Variants in KNL1 observed in about 807,000 individuals in gnomAD.
KNL1 encodes kinetochore scaffold 1.
A neutral mutation model predicts 201.3 loss-of-function variants in KNL1; 66 were observed. The ratio of observed to expected loss-of-function variants is 0.33; its 90% CI spans 0.27 to 0.40. The LOEUF is 0.40. Ranked by LOEUF, KNL1 falls within the 10% of genes least tolerant of loss-of-function variation. The pLI is 1.00. For synonymous variants in KNL1, 895 were observed against 899.2 expected, an observed-to-expected ratio of 1.00 and a Z score of 0.08; for missense variants, 2,815 against 2,690.5, an observed-to-expected ratio of 1.05 and a Z score of -1.02.
intron 1 of KNL1, among the ~76,000 whole-genome samples, chr15:40,597,937 C>T (rs1891666983): frequency 1.3e-5 from 2 of 152,104 alleles, no homozygotes; most frequent in Middle Eastern, 3.4e-3. Context: ...TTTGGGAGGC[C>T]GAGGCGGGCA....
In KNL1 at chr15:40,622,128, C is replaced by A; in HGVS notation, c.1864C>A (p.Pro622Thr). The stretch of plus-strand genomic sequence containing the variant: ...AGAAATTACCAAAAGTCGTAATGAA[C>A]CATTTCAGCGATCAGACATAATAGC... ...CEEITKSRNE[P>T]FQRSDIIAKN... The change falls in exon 10 of 26, where the codon CCA (proline) becomes ACA (threonine). Residue 622 changes from proline to threonine, a missense_variant. Pro to Thr is a conservative substitution (Grantham distance 38). This residue lies in a region of KNL1 where 2,464 missense variants were observed against 2,291.7 expected (regional missense o/e 1.08). Transcript: ENST00000399668. 1 of 1,614,090 alleles carries A rather than the reference C, an allele frequency of 6.2e-7. No individual in the cohort carries two copies. Among genetic ancestry groups the A allele is most frequent in the Non-Finnish European group, 8.5e-7 (1 of 1,179,974 alleles).
chr15:40,654,598 G>A (rs985551981), intron 21 of KNL1, among the ~76,000 whole-genome samples: 3 of 150,058 alleles, frequency 2.0e-5, no homozygotes, highest in Non-Finnish European at 3.0e-5. Flanking sequence ...GGCCAGGCAC[G>A]GTGGCTCATG....
intron 13 of KNL1, among the ~76,000 whole-genome samples, chr15:40,637,827 A>T (rs540457306): frequency 1.3e-5 from 2 of 152,246 alleles, no homozygotes; most frequent in East Asian, 3.9e-4. Flanking sequence ...AACAGGTTCC[A>T]TCCCCAAGAT....
intron 22 of KNL1, 21 bp from the exon 23 acceptor site, chr15:40,657,021 C>CT (rs747313063): frequency 6.3e-3 from 6,995 of 1,103,610 alleles, no homozygotes; most frequent in South Asian, 8.0e-3. Context: ...CCTGCTTTTG[C>CT]TTTTTTTTTT....
chr15:40,601,420 T>C (rs1003539819), intron 1 of KNL1, among the ~76,000 whole-genome samples: 1 of 152,200 alleles, frequency 6.6e-6, no homozygotes, highest in Non-Finnish European at 1.5e-5. Flanking sequence ...TCTTATAAGC[T>C]AGGCCAAATT....
rs141130902 is a variant in KNL1, at chr15:40,644,917, CT to C, written c.5799-77del. 0.074 allele frequency: 60,663 copies of C among 822,710 alleles called. 2,511 individuals are homozygous for C. Among genetic ancestry groups the C allele is most frequent in the African/African-American group, 0.12 (6,783 of 58,102 alleles). The allele number at this position is 822,710 out of a possible 1,614,324, so 51.0% of individuals were successfully genotyped here. A position where few individuals can be genotyped will look rare whatever the true frequency, so the allele number is the denominator to read the frequency against. On this transcript the variant is annotated intron_variant, in intron 14 of 25. Transcript: ENST00000399668. ...TTTTTCCAAATGGAGTCTCTTACGT[CT>C]TTCCTTTCTACATAGACACAGTAAC...
Position 40,621,609 on chromosome 15 carries a change from G to A in KNL1, c.1345G>A (p.Glu449Lys). 6.2e-7 allele frequency: 1 copy of A among 1,611,032 alleles called. No individual in the cohort carries two copies. Among genetic ancestry groups the A allele is most frequent in the Non-Finnish European group, 8.5e-7 (1 of 1,178,600 alleles). Residue 449 changes from glutamate (E) to lysine (K), a missense_variant, in exon 10 of 26, where the codon GAG (glutamate) becomes AAG (lysine). This residue lies in a region of KNL1 where 2,464 missense variants were observed against 2,291.7 expected (regional missense o/e 1.08). Coordinates refer to ENST00000399668, the MANE Select transcript of KNL1 (RefSeq NM_144508.5). ...MTKCLSNMRE[E>K]KNLLKHDSNY... ...CAAATGTCTCTCAAATATGAGAGAG[G>A]AGAAAAATTTGCTAAAGCATGACAG...
chr15:40,619,355 AATATAT>A (rs71956781), intron 9 of KNL1, among the ~76,000 whole-genome samples: 3 of 146,120 alleles, frequency 2.1e-5, no homozygotes, highest in Admixed American at 6.8e-5. Context: ...CACACAGTGT[AATATAT>A]ATATATATAT....
At chr15:40,629,427 C>T in intron 13 of KNL1, 56 bp downstream of exon 13, 1 of 1,116,720 alleles carries the variant, frequency 9.0e-7, no homozygotes, top group Non-Finnish European at 1.2e-6. Flanking sequence ...TATTTAAAAG[C>T]ACAAAAAGAA....
rs562425790 is a variant in KNL1, at chr15:40,595,603, T to G, written c.-18+1211T>G. ...ATGTGTTCGATGTTAAATAATAGAC[T>G]GTAAAAGATACTGACTCTAGATATT... On this transcript the variant is annotated intron_variant, in intron 1 of 25. Transcript: ENST00000399668. 3.3e-5 allele frequency among the ~76,000 whole-genome samples: 5 copies of G among 152,312 alleles called. No homozygotes were observed. The East Asian group carries it at 9.6e-4, about 29-fold the overall frequency.
At chr15:40,655,636 C>T (rs184955282) in intron 22 of KNL1, among the ~76,000 whole-genome samples, 4,026 of 148,424 alleles carry the variant, frequency 0.027, 77 homozygotes, top group South Asian at 0.064. Flanking sequence ...TATTACATGC[C>T]GGGCATGGTG....
chr15:40,641,662 T>C (rs1893232311), intron 14 of KNL1, among the ~76,000 whole-genome samples: 1 of 152,230 alleles, frequency 6.6e-6, no homozygotes, highest in African/African-American at 2.4e-5. Context: ...GAAACATAAA[T>C]GAATTTCACG....
chr15:40,630,196 A>G (rs1188884583), intron 13 of KNL1, among the ~76,000 whole-genome samples: 1 of 152,204 alleles, frequency 6.6e-6, no homozygotes, highest in Non-Finnish European at 1.5e-5. Context: ...GAATAATACA[A>G]TCAACGCTTT....
chr15:40,645,175 A>G, intron 15 of KNL1, 88 bp downstream of exon 15: 1 of 845,800 alleles, frequency 1.2e-6, no homozygotes, highest in Non-Finnish European at 1.9e-6. Flanking sequence ...ACTTGGTCAT[A>G]GTGATGAGTT....
Position 40,624,185 on chromosome 15 carries a change from T to A in KNL1, c.3921T>A (p.Asn1307Lys). The change falls in exon 10 of 26, where the codon AAT becomes AAA. Residue 1307 changes from asparagine to lysine, a missense_variant. Asn to Lys is a moderately conservative substitution (Grantham distance 94). Around this residue, in one of 3 missense-constraint regions of KNL1, gnomAD observed 2,464 missense variants for 2,291.7 expected, o/e 1.08. Transcript: ENST00000399668. ...GTGATAATTATTCCTGTTTACCAAA[T>A]GTTATTTCCTGTACTGATAATTTGG... ...GSSDNYSCLP[N>K]VISCTDNLEG... 6.2e-7 allele frequency: 1 copy of A among 1,613,974 alleles called. No homozygotes were observed. The highest frequency in any genetic ancestry group is 8.5e-7 in the Non-Finnish European group (1 of 1,179,940).
intron 16 of KNL1, among the ~76,000 whole-genome samples, chr15:40,646,354 A>C (rs1206829706): frequency 6.6e-6 from 1 of 152,072 alleles, no homozygotes; most frequent in Non-Finnish European, 1.5e-5. Context: ...TCCATGGAAC[A>C]CCTATAGAAA....
intron 7 of KNL1, among the ~76,000 whole-genome samples, chr15:40,613,788 A>T (rs1892249286): frequency 6.6e-6 from 1 of 150,420 alleles, no homozygotes; most frequent in Non-Finnish European, 1.5e-5. Flanking sequence ...TTTTATTTTT[A>T]TTATTTTATT....
chr15:40,618,859 A>G, intron 8 of KNL1, 100 bp from the exon 9 acceptor site: 1 of 715,198 alleles, frequency 1.4e-6, no homozygotes, highest in Non-Finnish European at 2.4e-6. Context: ...GTTACTGGTA[A>G]ATTCTAGTAA....
In KNL1 at chr15:40,624,616, C is replaced by T. The variant is rs770147214; in HGVS notation, c.4352C>T (p.Pro1451Leu). 2.7e-5 allele frequency: 43 copies of T among 1,613,750 alleles called. No individual in the cohort carries two copies. Among genetic ancestry groups the T allele is most frequent in the Non-Finnish European group, 3.5e-5 (41 of 1,179,878 alleles). The change falls in exon 10 of 26, where the codon CCA becomes CTA. Residue 1451 changes from proline (P) to leucine (L), a missense_variant. Physicochemically the swap from Pro to Leu is moderately conservative, Grantham distance 98. This residue lies in a region of KNL1 where 2,464 missense variants were observed against 2,291.7 expected (regional missense o/e 1.08). Transcript: ENST00000399668. Reference protein sequence around the residue: ...PQPHFSTDQPPLPKKGQSSIN... With the variant: ...PQPHFSTDQPLLPKKGQSSIN... The stretch of plus-strand genomic sequence containing the variant: ...CCTCATTTCTCAACCGACCAACCTC[C>T]ATTACCTAAAAAAGGACAGAGTAGT...
Sources: allele counts gnomAD v4.1 joint callset (sites outside exome capture counted in the v4.1 genomes callset), GRCh38; gene constraint gnomAD v4.1.1; regional missense constraint gnomAD v4.1.1; transcripts MANE v1.5; gene names NCBI Gene and HGNC (gene_info 2026-07-23, HGNC 2026-07-21).